Variants in MAN2A1 observed in about 807,000 individuals in gnomAD.
The protein encoded by MAN2A1 is alpha-mannosidase 2.
In MAN2A1, 76 loss-of-function variants were observed where a neutral mutation model predicts 142.6. The observed-to-expected ratio is 0.53, with a 90% CI of 0.44 to 0.65. The LOEUF is 0.65. MAN2A1 is among the 30% of genes least tolerant of loss of function. The pLI is 0.00. For synonymous variants in MAN2A1, 559 were observed against 473.2 expected (o/e 1.18, Z -2.35); for missense variants, 1,311 against 1,365.1 (o/e 0.96, Z 0.62).
intron 19 of MAN2A1, chr5:109,854,534 A>G (rs1374406746): frequency 6.6e-6 from 1 of 152,208 alleles, no homozygotes; most frequent in Non-Finnish European, 1.5e-5. Flanking sequence ...TTGAAAGAAA[A>G]CAATCAGATG....
intron 3 of MAN2A1, among the ~76,000 whole-genome samples, chr5:109,726,795 CTGGAG>C (rs1429748984): frequency 2.0e-5 from 3 of 152,136 alleles, no homozygotes; most frequent in African/African-American, 4.8e-5. Flanking sequence ...TGCTAGATTA[CTGGAG>C]TTTTATTATC....
rs150766282 is a variant in MAN2A1, at chr5:109,866,288, G to A, written c.3283-558G>A. 5.9e-5 allele frequency among the ~76,000 whole-genome samples: 9 copies of A among 152,200 alleles called. No homozygotes were observed. In the East Asian group the frequency reaches 1.4e-3, roughly 23 times the overall value. On this transcript the variant is annotated intron_variant, in intron 21 of 21. Coordinates refer to ENST00000261483, the MANE Select transcript of MAN2A1 (RefSeq NM_002372.4). ...CCAGAGAGACAGATAACATGGCAGC[G>A]GTGAGGGAAATACTTTCCAAATGAC...
intron 8 of MAN2A1, among the ~76,000 whole-genome samples, chr5:109,777,040 C>T (rs1405962399): frequency 1.3e-5 from 2 of 152,086 alleles, no homozygotes; most frequent in East Asian, 3.8e-4. Context: ...TTGTCTATCA[C>T]AAATAAGTCT....
intron 12 of MAN2A1, among the ~76,000 whole-genome samples, chr5:109,811,596 GTGTGTGTGTGTC>G (rs1387470635): frequency 6.6e-6 from 1 of 151,802 alleles, no homozygotes; most frequent in Non-Finnish European, 1.5e-5. Context: ...GTGTGTGTGT[GTGTGTGTGTGTC>G]TGTGTCTGTG....
chr5:109,807,471 A>C (rs1288356378), intron 12 of MAN2A1, among the ~76,000 whole-genome samples: 1 of 152,204 alleles, frequency 6.6e-6, no homozygotes, highest in African/African-American at 2.4e-5. Flanking sequence ...AAATATTGGT[A>C]GGGCTGGTTC....
chr5:109,743,197 C>T (rs1752316483), intron 4 of MAN2A1, among the ~76,000 whole-genome samples: 1 of 152,168 alleles, frequency 6.6e-6, no homozygotes, highest in South Asian at 2.1e-4. Context: ...ATTTCCTCTT[C>T]TGCTTACTTC....
Position 109,868,858 on chromosome 5 carries a change from A to G in MAN2A1, c.*1860A>G, listed in dbSNP as rs1423953019. ...AGTATTTTCATTGCATCTTAAATGT[A>G]TAACCTTCCTGTGGGAGTTCAGTTT... On this transcript the variant is annotated 3_prime_UTR_variant, in exon 22 of 22. Coordinates refer to ENST00000261483, the MANE Select transcript of MAN2A1 (RefSeq NM_002372.4). The G allele has an allele frequency of 1.3e-5, 2 of 152,222 alleles. No individual in the cohort carries two copies. Among genetic ancestry groups the G allele is most frequent in the East Asian group, 1.9e-4 (1 of 5,204 alleles). 9.4% of individuals were successfully genotyped at this position (152,222 alleles called of 1,614,324 possible).
rs550733817 is a variant in MAN2A1 at position 109,690,093 on chromosome 5, C to T, written c.-325C>T. 1.1e-5 allele frequency: 3 copies of T among 285,136 alleles called. No individual in the cohort carries two copies. Among genetic ancestry groups the T allele is most frequent in the East Asian group, 8.6e-5 (1 of 11,564 alleles). The allele number at this position is 285,136 out of a possible 1,614,324, so 17.7% of individuals were successfully genotyped here. A position where few individuals can be genotyped will look rare whatever the true frequency, so the allele number is the denominator to read the frequency against. ...GGAAGTGCGGGCAGCGACCTCTCCTCCGCCTGCCCCGCGCGCCCTGCCGGA... is the reference window on the plus strand; with the variant it reads ...GGAAGTGCGGGCAGCGACCTCTCCTTCGCCTGCCCCGCGCGCCCTGCCGGA... On this transcript the variant is annotated 5_prime_UTR_variant, in exon 1 of 22. Coordinates refer to ENST00000261483, the MANE Select transcript of MAN2A1 (RefSeq NM_002372.4).
chr5:109,842,023 T>C (rs559819974), intron 16 of MAN2A1, among the ~76,000 whole-genome samples: 1 of 152,236 alleles, frequency 6.6e-6, no homozygotes, highest in Non-Finnish European at 1.5e-5. Context: ...TTTCATTTCA[T>C]GTCCTGTTTC....
chr5:109,778,625 G>C (rs889942312), intron 8 of MAN2A1, among the ~76,000 whole-genome samples: 3 of 151,910 alleles, frequency 2.0e-5, no homozygotes, highest in African/African-American at 7.2e-5. Flanking sequence ...TGCAATGATT[G>C]AACCAGTACC....
chr5:109,709,810 T>C (rs1751245020), intron 1 of MAN2A1, among the ~76,000 whole-genome samples: 1 of 152,196 alleles, frequency 6.6e-6, no homozygotes, highest in African/African-American at 2.4e-5. Flanking sequence ...GTAGAACTGA[T>C]TAGCAAATCA....
At chr5:109,847,870 A>ATTT in intron 19 of MAN2A1, 80 bp downstream of exon 19, 1 of 1,088,864 alleles carries the variant, frequency 9.2e-7, no homozygotes, top group Non-Finnish European at 1.2e-6. Flanking sequence ...TTCCACTTTT[A>ATTT]AAATTTTAAA....
chr5:109,833,068 C>T lies in MAN2A1; in HGVS notation c.2566+9231C>T, dbSNP rs865983033. On this transcript the variant is annotated intron_variant, in intron 16 of 21. Transcript: ENST00000261483. ...GCAGAGGCGCTCCCCACATCTCAGACGATGGGTGGCGGGGCAGAGGCGCTC... is the reference window on the plus strand; with the variant it reads ...GCAGAGGCGCTCCCCACATCTCAGATGATGGGTGGCGGGGCAGAGGCGCTC... Among the ~76,000 whole-genome samples the T allele has an allele frequency of 1.5e-4, 22 of 149,166 alleles. No homozygotes were observed. The South Asian group carries it at 2.8e-3, about 19-fold the overall frequency.
intron 12 of MAN2A1, among the ~76,000 whole-genome samples, chr5:109,794,743 G>A (rs1753818803): frequency 1.3e-5 from 2 of 152,090 alleles, no homozygotes; most frequent in South Asian, 4.1e-4. Flanking sequence ...ATAGTACAGT[G>A]TATTTATGAA....
chr5:109,846,112 C>T lies in MAN2A1; in HGVS notation c.2842+106C>T, dbSNP rs113070900. ...TAATCTCTAGTTAAAACCTCCCTGTCTTCTTTTCAGCTTTTTTCTTTCAAC... is the reference window on the plus strand; with the variant it reads ...TAATCTCTAGTTAAAACCTCCCTGTTTTCTTTTCAGCTTTTTTCTTTCAAC... On this transcript the variant is annotated intron_variant, in intron 18 of 21. Transcript: ENST00000261483. 1.4e-3 allele frequency: 1,398 copies of T among 1,003,690 alleles called. 14 individuals are homozygous for T. The African/African-American group carries it at 0.02, about 14-fold the overall frequency. The allele number at this position is 1,003,690 out of a possible 1,614,324, so 62.2% of individuals were successfully genotyped here.
chr5:109,817,652 A>G (rs1754502426), intron 13 of MAN2A1, among the ~76,000 whole-genome samples: 1 of 152,188 alleles, frequency 6.6e-6, no homozygotes, highest in Non-Finnish European at 1.5e-5. Flanking sequence ...TTGTTAGTAT[A>G]TATATTGTAT....
Position 109,729,332 on chromosome 5 carries a change from C to G in MAN2A1, c.536-10C>G. On this transcript the variant is annotated splice_polypyrimidine_tract_variant and intron_variant, in intron 3 of 21. Coordinates refer to ENST00000261483, the MANE Select transcript of MAN2A1 (RefSeq NM_002372.4). ...TTAGACCTTTGTGGTATATTTGTGT[C>G]TTGATTTAGGTTGGTTGAAGACTTT... is the stretch of plus-strand genomic sequence containing the variant. The G allele has an allele frequency of 6.3e-7, 1 of 1,583,414 alleles. No homozygotes were observed.
At chr5:109,828,702 A>G (rs1037870542) in intron 16 of MAN2A1, among the ~76,000 whole-genome samples, 3 of 152,224 alleles carry the variant, frequency 2.0e-5, no homozygotes, top group Non-Finnish European at 4.4e-5. Context: ...CTTAGGGGAA[A>G]CATCTTAAAT....
intron 4 of MAN2A1, among the ~76,000 whole-genome samples, chr5:109,749,098 A>T (rs552945548): frequency 4.6e-5 from 7 of 152,206 alleles, no homozygotes; most frequent in African/African-American, 1.7e-4. Context: ...CAGATGTGTC[A>T]TTAGAAATTC....
Sources: allele counts gnomAD v4.1 joint callset (sites outside exome capture counted in the v4.1 genomes callset), GRCh38; gene constraint gnomAD v4.1.1; transcripts MANE v1.5; gene names NCBI Gene and HGNC (gene_info 2026-07-23, HGNC 2026-07-21).